The following WWOX variants were observed in gnomAD, a reference collection of about 807,000 sequenced individuals.
The protein encoded by WWOX is WW domain containing oxidoreductase.
In WWOX, 69 loss-of-function variants were observed where a neutral mutation model predicts 46.2. That is an observed-to-expected ratio of 1.49 (90% confidence interval 1.23 to 1.82). WWOX has a LOEUF of 1.82. Ranked by LOEUF, WWOX falls within the 40% of genes most tolerant of loss-of-function variation. The pLI is 0.00. For synonymous variants in WWOX, 359 were observed against 202.6 expected (o/e 1.77, Z -6.56); for missense variants, 919 against 542.6 (o/e 1.69, Z -6.89).
rs183919731 is a variant in WWOX at position 79,014,450 on chromosome 16, T to C, written c.1057-197158T>C. Among the ~76,000 whole-genome samples the C allele has an allele frequency of 4.9e-4, 74 of 152,318 alleles. 1 individual carries two copies. Among genetic ancestry groups the C allele is most frequent in the African/African-American group, 1.6e-3 (67 of 41,572 alleles). ...GTTTTCCTGGATCGTCCCTCAATTT[T>C]CCGTGGTATGAAAAATGTAAATGTT... On this transcript the variant is annotated intron_variant, in intron 8 of 8. Coordinates refer to ENST00000566780, the MANE Select transcript of WWOX (RefSeq NM_016373.4).
chr16:79,194,878 C>G (rs1033092063), intron 8 of WWOX, among the ~76,000 whole-genome samples: 8 of 152,076 alleles, frequency 5.3e-5, no homozygotes, highest in African/African-American at 1.9e-4. Flanking sequence ...AGAGTCTATG[C>G]TTTTTTCCCC....
At chr16:78,923,369 T>G (rs1326233284) in intron 8 of WWOX, among the ~76,000 whole-genome samples, 1 of 152,184 alleles carries the variant, frequency 6.6e-6, no homozygotes. Context: ...TTATTTCTAG[T>G]TCAGATCATT....
chr16:78,701,438 C>T (rs1395300645), intron 8 of WWOX, among the ~76,000 whole-genome samples: 6 of 152,082 alleles, frequency 3.9e-5, no homozygotes, highest in African/African-American at 7.2e-5. Context: ...GTTGAAGGTC[C>T]GATGGCCACA....
intron 8 of WWOX, among the ~76,000 whole-genome samples, chr16:78,975,387 C>G (rs2046550805): frequency 6.6e-6 from 1 of 151,658 alleles, no homozygotes; most frequent in South Asian, 2.1e-4. Flanking sequence ...ACCCTTGCAA[C>G]AAAATCTTAC....
chr16:78,261,682 C>G (rs1206317193), intron 5 of WWOX, among the ~76,000 whole-genome samples: 1 of 148,958 alleles, frequency 6.7e-6, no homozygotes, highest in Non-Finnish European at 1.5e-5. Flanking sequence ...CAGCTTGAGG[C>G]TCCACTTGCA....
intron 8 of WWOX, among the ~76,000 whole-genome samples, chr16:79,087,079 G>A (rs1161778970): frequency 6.6e-6 from 1 of 152,174 alleles, no homozygotes; most frequent in Admixed American, 6.5e-5. Context: ...CCTCTACCAG[G>A]CACTGATGGA....
intron 5 of WWOX, chr16:78,355,644 G>C (rs541317755): frequency 1.6e-6 from 1 of 637,476 alleles, no homozygotes. Flanking sequence ...CGAGAGCTTC[G>C]AGGCAGATTA....
rs78234860 is a variant in WWOX at position 78,959,485 on chromosome 16, A to G, written c.1057-252123A>G. 5.0e-3 allele frequency among the ~76,000 whole-genome samples: 765 copies of G among 152,328 alleles called. 10 individuals are homozygous for G. Among genetic ancestry groups the G allele is most frequent in the African/African-American group, 0.017 (701 of 41,576 alleles). On this transcript the variant is annotated intron_variant, in intron 8 of 8. Coordinates refer to ENST00000566780, the MANE Select transcript of WWOX (RefSeq NM_016373.4). ...AAAACCTTCACAGGGTTAGCCATCC[A>G]TCTATCTGTCCATCCATCTATTCAC...
In WWOX at chr16:78,723,044, A is replaced by G. The variant is rs142451506; in HGVS notation, c.1056+290292A>G. Among the ~76,000 whole-genome samples, 186 of 152,192 alleles carry G rather than the reference A, an allele frequency of 1.2e-3. 3 individuals are homozygous for G. In the East Asian group the frequency reaches 0.023, roughly 19 times the overall value. ...GTGACAGAGCAAGATTTTGTCTCAA[A>G]AAAGAAAATGATGTGAGGAAGCCAG... On this transcript the variant is annotated intron_variant, in intron 8 of 8. Coordinates refer to ENST00000566780, the MANE Select transcript of WWOX (RefSeq NM_016373.4).
intron 8 of WWOX, among the ~76,000 whole-genome samples, chr16:78,668,709 A>C (rs1434418525): frequency 6.6e-6 from 1 of 152,092 alleles, no homozygotes; most frequent in South Asian, 2.1e-4. Context: ...TGGAATCTAC[A>C]TGGGTGTTTG....
At chr16:78,132,253 C>T (rs577074108) in intron 4 of WWOX, among the ~76,000 whole-genome samples, 1 of 151,984 alleles carries the variant, frequency 6.6e-6, no homozygotes, top group Admixed American at 6.5e-5. Context: ...GTCTTGATCT[C>T]CTGACCTCGT....
chr16:78,362,891 A>C (rs1312661853), intron 5 of WWOX, among the ~76,000 whole-genome samples: 1 of 152,164 alleles, frequency 6.6e-6, no homozygotes, highest in Non-Finnish European at 1.5e-5. Flanking sequence ...TAAATGCGTA[A>C]AGGAGGTGGT....
At chr16:79,207,030 C>T (rs2051536013) in intron 8 of WWOX, among the ~76,000 whole-genome samples, 1 of 152,114 alleles carries the variant, frequency 6.6e-6, no homozygotes, top group African/African-American at 2.4e-5. Flanking sequence ...CTGGAGATGA[C>T]CTCTGCACTG....
chr16:79,099,667 T>C (rs920676834), intron 8 of WWOX, among the ~76,000 whole-genome samples: 2 of 152,164 alleles, frequency 1.3e-5, no homozygotes, highest in Non-Finnish European at 2.9e-5. Flanking sequence ...TTTATTTCTG[T>C]TTTTAACATA....
chr16:79,179,610 T>A (rs914093721), intron 8 of WWOX, among the ~76,000 whole-genome samples: 2 of 152,244 alleles, frequency 1.3e-5, no homozygotes, highest in African/African-American at 4.8e-5. Context: ...GGCTGGTTCC[T>A]TGAGTGACCA....
At chr16:79,133,742 C>G (rs763494145) in intron 8 of WWOX, among the ~76,000 whole-genome samples, 7 of 152,078 alleles carry the variant, frequency 4.6e-5, no homozygotes, top group African/African-American at 9.7e-5. Context: ...AAGAAGTTTT[C>G]CTAATGGTGG....
At chr16:78,706,676 T>C (rs1043512913) in intron 8 of WWOX, among the ~76,000 whole-genome samples, 2 of 152,222 alleles carry the variant, frequency 1.3e-5, no homozygotes, top group Non-Finnish European at 2.9e-5. Flanking sequence ...AAAGGCTCTT[T>C]CAGCTGCTCT....
intron 8 of WWOX, among the ~76,000 whole-genome samples, chr16:78,978,701 G>C (rs1052050050): frequency 6.6e-6 from 1 of 152,192 alleles, no homozygotes; most frequent in Non-Finnish European, 1.5e-5. Flanking sequence ...AGGAGCAACA[G>C]AGAGCGACTG....
Position 78,338,649 on chromosome 16 carries a change from C to T in WWOX, c.517-48211C>T, listed in dbSNP as rs1283927944. Among the ~76,000 whole-genome samples the T allele has an allele frequency of 3.3e-5, 4 of 120,782 alleles. 1 individual carries two copies. Among genetic ancestry groups the T allele is most frequent in the African/African-American group, 1.1e-4 (4 of 35,704 alleles). 79.2% of individuals were successfully genotyped at this position (120,782 alleles called of 152,430 possible). A position where few individuals can be genotyped will look rare whatever the true frequency, so the allele number is the denominator to read the frequency against. On this transcript the variant is annotated intron_variant, in intron 5 of 8. Coordinates refer to ENST00000566780, the MANE Select transcript of WWOX (RefSeq NM_016373.4). ...AAAATACCATAATCTGCTATAAATT[C>T]AGTTGAAAAATAGAAATAGTGAGAA...
Sources: gnomAD v4.1 joint callset for allele counts (sites outside exome capture counted in the v4.1 genomes callset) on GRCh38, gnomAD v4.1.1 for gene constraint, MANE v1.5 for transcripts, NCBI Gene and HGNC (gene_info 2026-07-23, HGNC 2026-07-21) for gene names.